TTN: variants seen among roughly 807,000 people sequenced by gnomAD.
TTN encodes the protein titin.
TTN carries 1,525 observed loss-of-function variants against 3,223.0 expected under a neutral mutation model. The ratio of observed to expected loss-of-function variants is 0.47; its 90% CI spans 0.45 to 0.49. The LOEUF (loss-of-function observed/expected upper bound fraction) is 0.49. Among genes scored for constraint, TTN ranks in the 20% least tolerant of loss-of-function variants. The pLI, the probability that TTN is intolerant of heterozygous loss-of-function variation, is 0.00. For missense variants in TTN, 40,786 were observed against 43,424.0 expected, an observed-to-expected ratio of 0.94 and a Z score of 5.40; for synonymous variants, 14,094 against 15,161.0, an observed-to-expected ratio of 0.93 and a Z score of 5.17.
At chr2:178,735,385 CATA>C (rs1042442204) in intron 50 of TTN, 123 bp downstream of exon 50, 11 of 973,512 alleles carry the variant, frequency 1.1e-5, no homozygotes, top group Non-Finnish European at 1.6e-5. Flanking sequence ...TTTCCCAAAC[CATA>C]ATGTTTGCTG....
In TTN at chr2:178,636,665, C is replaced by T; in HGVS notation, c.41062G>A (p.Glu13688Lys). The T allele has an allele frequency of 6.2e-7, 1 of 1,613,328 alleles. No homozygotes were observed. Among genetic ancestry groups the T allele is most frequent in the Non-Finnish European group, 8.5e-7 (1 of 1,179,544 alleles). ...TCTGTCAAGATGATGTCTTTGATTTCTTTCACAAACTTCAGTGGCACAGCC... is the reference window on the plus strand; with the variant it reads ...TCTGTCAAGATGATGTCTTTGATTTTTTTCACAAACTTCAGTGGCACAGCC... ...LKAVPLKFVK[E>K]IKDIILTESE... is the part of the protein sequence containing the mutation. The change falls in exon 225 of 363, where the codon GAA becomes AAA. Residue 13688 changes from glutamate to lysine, a missense_variant. Transcript: ENST00000589042. The surrounding 1 kb of genome is among the most constrained non-coding windows in gnomAD (Gnocchi z 4.3).
rs1402540037 is a variant in TTN at position 178,530,385 on chromosome 2, T to C, written c.106230A>G (p.Pro35410=). ...TESTVTRKTE[P]KAPEPISSKP... is the part of the protein sequence containing the mutation. The stretch of plus-strand genomic sequence containing the variant: ...TTGAGGAAATTGGTTCAGGAGCTTT[T>C]GGTTCAGTTTTTCTGGTTACTGTTG... Residue 35410 remains proline (P), a synonymous_variant, in exon 358 of 363, where the codon CCA becomes CCG. Transcript: ENST00000589042. 2 of 1,614,006 alleles carry C rather than the reference T, an allele frequency of 1.2e-6. No individual in the cohort carries two copies. Among genetic ancestry groups the C allele is most frequent in the African/African-American group, 2.7e-5 (2 of 75,056 alleles).
intron 78 of TTN, 74 bp downstream of exon 78, chr2:178,721,773 C>A (rs1376309039): frequency 4.9e-6 from 7 of 1,418,482 alleles, no homozygotes; most frequent in Non-Finnish European, 5.6e-6. Context: ...CATTTAAAAA[C>A]CAAAGAAACT....
In TTN at chr2:178,528,057, C is replaced by T. The variant is rs889969118; in HGVS notation, c.107377+217G>A. The stretch of plus-strand genomic sequence containing the variant: ...GTGCATCCTGCAAATAAATGTTACA[C>T]GGCAGTTGGTAGCTTTACTTTGAAA... On this transcript the variant is annotated intron_variant, in intron 361 of 362. Transcript: ENST00000589042. 24 of 570,150 alleles carry T rather than the reference C, an allele frequency of 4.2e-5. No individual in the cohort carries two copies. In the Admixed American group the frequency reaches 4.6e-4, roughly 11 times the overall value. 35.3% of individuals were successfully genotyped at this position (570,150 alleles called of 1,614,324 possible).
Position 178,718,838 on chromosome 2 carries a change from C to T in TTN, c.24362G>A (p.Gly8121Glu). The change falls in exon 84 of 363, where the codon GGG becomes GAG. Residue 8121 changes from glycine to glutamate, a missense_variant. By Grantham distance (98) the Gly-to-Glu change is moderately conservative. Transcript: ENST00000589042. ...WFKGSRELVPGESCNISLEDF... is the reference protein window; with the variant it reads ...WFKGSRELVPEESCNISLEDF... ...TTCCAGAGAGATGTTGCATGACTCC[C>T]CAGGCACCAGTTCCCTGCTGCCTTT... 1 of 1,613,678 alleles carries T rather than the reference C, an allele frequency of 6.2e-7. No individual in the cohort carries two copies. The highest frequency in any genetic ancestry group is 8.5e-7 in the Non-Finnish European group (1 of 1,179,732).
At chr2:178,751,637 G>A in intron 47 of TTN, 9 of 1,613,316 alleles carry the variant, frequency 5.6e-6, no homozygotes, top group Non-Finnish European at 7.6e-6. Flanking sequence ...TGATTCTGCA[G>A]ACCCTTCACT....
At chr2:178,585,916 C>G (rs1032561521) in intron 308 of TTN, among the ~76,000 whole-genome samples, 4 of 151,988 alleles carry the variant, frequency 2.6e-5, no homozygotes, top group African/African-American at 4.8e-5. Context: ...GTGCATGTGT[C>G]TTTATAGTAG....
At chr2:178,650,641 A>T in intron 209 of TTN, 110 bp downstream of exon 209, 1 of 1,070,356 alleles carries the variant, frequency 9.3e-7, no homozygotes, top group Non-Finnish European at 1.3e-6. Flanking sequence ...ACAAATAATT[A>T]AAGGTTAGAA....
chr2:178,801,780 C>T (rs2094077487), intron 3 of TTN, among the ~76,000 whole-genome samples: 2 of 152,118 alleles, frequency 1.3e-5, no homozygotes, highest in African/African-American at 4.8e-5. Context: ...GTGTGAATTC[C>T]TGGAGATTCA....
rs186809500 is a variant in TTN at position 178,594,523 on chromosome 2, C to T, written c.57971G>A (p.Arg19324Gln). 38 of 1,613,298 alleles carry T rather than the reference C, an allele frequency of 2.4e-5. No individual in the cohort carries two copies. The East Asian group carries it at 4.2e-4, about 18-fold the overall frequency. Residue 19324 changes from arginine to glutamine, a missense_variant, in exon 296 of 363, where the codon CGG becomes CAG. Transcript: ENST00000589042. Reference sequence around the variant, plus strand: ...GTGGAACTTCTCAGTCCCAATGAGCCGACTTTCTAGGACATAGTTAATAAT... The same window carrying T: ...GTGGAACTTCTCAGTCCCAATGAGCTGACTTTCTAGGACATAGTTAATAAT... ...SEIINYVLES[R>Q]LIGTEKFHKV...
Position 178,591,499 on chromosome 2 carries a change from G to C in TTN, c.60226C>G (p.Pro20076Ala). Residue 20076 changes from proline to alanine, a missense_variant, in exon 304 of 363, where the codon CCA (proline) becomes GCA (alanine). Transcript: ENST00000589042. ...PIECQEKLVP[P>A]SVELDVKLIE... ...AATTTCACATCTAGCTCCACGGATG[G>C]AGGCACTGAAAAGTAAACATGAAAA... The C allele has an allele frequency of 6.3e-7, 1 of 1,584,972 alleles. No individual in the cohort carries two copies. The highest frequency in any genetic ancestry group is 8.5e-7 in the Non-Finnish European group (1 of 1,171,614).
Position 178,574,279 on chromosome 2 carries a change from A to G in TTN, c.71853T>C (p.Thr23951=). The part of the protein sequence containing the change: ...VTLKWAKPEY[T]GGFKITSYIV... ...TATAACTGGTAATTTTAAAGCCCCC[A>G]GTATATTCAGGCTTAGCCCATTTAA... The change falls in exon 326 of 363, where the codon ACT becomes ACC. Residue 23951 remains threonine (T), a synonymous_variant. Transcript: ENST00000589042. 1 of 1,613,208 alleles carries G rather than the reference A, an allele frequency of 6.2e-7. No homozygotes were observed. Among genetic ancestry groups the G allele is most frequent in the South Asian group, 1.1e-5 (1 of 91,052 alleles).
chr2:178,556,772 G>T, intron 330 of TTN, 76 bp downstream of exon 330: 1 of 1,525,316 alleles, frequency 6.6e-7, no homozygotes, highest in Non-Finnish European at 8.9e-7. Context: ...TATTCTATAG[G>T]ATTAGAACCA....
At position 178,776,097 on chromosome 2, in the gene TTN, G is replaced by A; in HGVS notation, c.5767C>T (p.His1923Tyr). 1 of 1,614,104 alleles carries A rather than the reference G, an allele frequency of 6.2e-7. No individual in the cohort carries two copies. Among genetic ancestry groups the A allele is most frequent in the Non-Finnish European group, 8.5e-7 (1 of 1,179,992 alleles). ...TAENPEGVIE[H>Y]KVKLEIQQRE... ...TGTTGAATCTCAAGCTTCACTTTATGCTCTATCACACCTTCAGGATTTTCC... is the reference window on the plus strand; with the variant it reads ...TGTTGAATCTCAAGCTTCACTTTATACTCTATCACACCTTCAGGATTTTCC... The change falls in exon 28 of 363, where the codon CAT (histidine) becomes TAT (tyrosine). Residue 1923 changes from histidine to tyrosine, a missense_variant. His to Tyr is a moderately conservative substitution (Grantham distance 83). Transcript: ENST00000589042.
chr2:178,640,433 T>C (rs2061088849), intron 221 of TTN, 108 bp downstream of exon 221: 2 of 1,020,222 alleles, frequency 2.0e-6, no homozygotes, highest in Non-Finnish European at 2.9e-6. Flanking sequence ...CCATATGTGA[T>C]TAACAGATTA....
chr2:178,729,835 A>G lies in TTN; in HGVS notation c.18418T>C (p.Tyr6140His). 6.2e-7 allele frequency: 1 copy of G among 1,613,734 alleles called. No homozygotes were observed. Among genetic ancestry groups the G allele is most frequent in the South Asian group, 1.1e-5 (1 of 91,090 alleles). The change falls in exon 63 of 363, where the codon TAT (tyrosine) becomes CAT (histidine). Residue 6140 changes from tyrosine to histidine, a missense_variant. Transcript: ENST00000589042. ...GCTGTTATTTCATTCCCGTCTAGAT[A>G]CCAAGACACTCGGATTTTAGGAGTG... ...TGTPKIRVSW[Y>H]LDGNEITAIQ...
chr2:178,726,649 T>C (rs2079391638), intron 69 of TTN: 1 of 153,626 alleles, frequency 6.5e-6, no homozygotes, highest in Non-Finnish European at 1.4e-5. Flanking sequence ...AAGGAAAAAA[T>C]ATTATTGTCC....
chr2:178,631,248 T>G lies in TTN; in HGVS notation c.43800A>C (p.Lys14600Asn), dbSNP rs769967388. 3 of 1,612,350 alleles carry G rather than the reference T, an allele frequency of 1.9e-6. No homozygotes were observed. Among genetic ancestry groups the G allele is most frequent in the Non-Finnish European group, 2.5e-6 (3 of 1,179,324 alleles). Residue 14600 changes from lysine to asparagine, a missense_variant, in exon 237 of 363, where the codon AAA becomes AAC. Coordinates refer to ENST00000589042, the MANE Select transcript of TTN (RefSeq NM_001267550.2). ...GKLQDYTGVE[K>N]DEVILQCEIS... ...TTTCACACTGTAGAATAACTTCATC[T>G]TTCTCTACACCAGTATAATCTTGAA...
At chr2:178,788,144 G>A (rs747603479) in intron 13 of TTN, among the ~76,000 whole-genome samples, 64 of 152,136 alleles carry the variant, frequency 4.2e-4, no homozygotes, top group Admixed American at 6.5e-4. Flanking sequence ...TGATGAAATG[G>A]GATGAAACAA....
Sources: gnomAD v4.1 joint callset for allele counts (sites outside exome capture counted in the v4.1 genomes callset) on GRCh38, gnomAD v4.1.1 for gene constraint, Gnocchi (gnomAD v3.1) non-coding constraint, MANE v1.5 for transcripts, NCBI Gene and HGNC (gene_info 2026-07-23, HGNC 2026-07-21) for gene names.